The following SDK1 variants were observed in gnomAD, a reference collection of about 807,000 sequenced individuals.
The protein encoded by SDK1 is sidekick cell adhesion molecule 1.
Under a neutral mutation model 245.5 loss-of-function variants are expected in SDK1, and 157 were observed. The observed-to-expected ratio is 0.64, with a 90% confidence interval of 0.56 to 0.73. SDK1 has a LOEUF of 0.73. SDK1 is among the 30% of genes least tolerant of loss of function. The pLI is 0.00. For synonymous variants in SDK1, 1,647 were observed against 1,278.5 expected (o/e 1.29, Z -6.15); for missense variants, 3,583 against 3,002.3 (o/e 1.19, Z -4.52).
At chr7:3,724,892 C>G (rs1393030719) in intron 4 of SDK1, among the ~76,000 whole-genome samples, 4 of 152,200 alleles carry the variant, frequency 2.6e-5, no homozygotes, top group Non-Finnish European at 4.4e-5. Flanking sequence ...TGTGGCCATG[C>G]CTACCTGGAA....
intron 22 of SDK1, among the ~76,000 whole-genome samples, chr7:4,098,239 G>T (rs532202429): frequency 6.6e-6 from 1 of 152,142 alleles, no homozygotes; most frequent in Non-Finnish European, 1.5e-5. Flanking sequence ...TGCCGCATAC[G>T]TGACAACTCA....
chr7:4,105,672 G>T (rs1020780385), intron 22 of SDK1, among the ~76,000 whole-genome samples: 1 of 152,190 alleles, frequency 6.6e-6, no homozygotes, highest in African/African-American at 2.4e-5. Flanking sequence ...CTCTGAAGAG[G>T]GTATAGGAGT....
intron 5 of SDK1, among the ~76,000 whole-genome samples, chr7:3,822,409 G>A (rs950986684): frequency 6.6e-6 from 1 of 152,162 alleles, no homozygotes; most frequent in East Asian, 1.9e-4. Context: ...TGATTTGTTT[G>A]TATAGTAGTG....
intron 32 of SDK1, among the ~76,000 whole-genome samples, chr7:4,170,077 C>G (rs1048873026): frequency 1.3e-5 from 2 of 152,166 alleles, no homozygotes; most frequent in Non-Finnish European, 2.9e-5. Flanking sequence ...TGTATTTCTT[C>G]TAAGAAGGTT....
At chr7:3,342,272 A>C (rs1406324316) in intron 1 of SDK1, among the ~76,000 whole-genome samples, 1 of 152,164 alleles carries the variant, frequency 6.6e-6, no homozygotes, top group African/African-American at 2.4e-5. Context: ...ATAAATGTAA[A>C]ATTGTAAAAC....
intron 44 of SDK1, among the ~76,000 whole-genome samples, chr7:4,256,140 G>A (rs1164881346): frequency 1.3e-5 from 2 of 152,084 alleles, no homozygotes; most frequent in African/African-American, 4.8e-5. Context: ...GGCTGGTCTC[G>A]AACTCCTGAC....
At chr7:3,569,906 G>C (rs911334302) in intron 1 of SDK1, among the ~76,000 whole-genome samples, 12 of 152,312 alleles carry the variant, frequency 7.9e-5, no homozygotes, top group Middle Eastern at 3.4e-3. Context: ...TGCAGCTTGT[G>C]TTTGATAAAC....
chr7:3,934,962 T>C (rs1780104457), intron 5 of SDK1, among the ~76,000 whole-genome samples: 1 of 152,166 alleles, frequency 6.6e-6, no homozygotes, highest in African/African-American at 2.4e-5. Context: ...TCGGTGTTGC[T>C]TACCCAAGGA....
intron 14 of SDK1, among the ~76,000 whole-genome samples, chr7:4,003,526 A>G (rs1785232977): frequency 2.6e-5 from 4 of 152,164 alleles, no homozygotes; most frequent in Admixed American, 2.6e-4. Context: ...TCTGTTTTGT[A>G]GAACGTCACT....
intron 14 of SDK1, among the ~76,000 whole-genome samples, chr7:4,005,303 C>T (rs974490231): frequency 6.6e-6 from 1 of 151,712 alleles, no homozygotes; most frequent in African/African-American, 2.4e-5. Context: ...CCTCGGCCTC[C>T]CAAAGTGCTG....
intron 1 of SDK1, among the ~76,000 whole-genome samples, chr7:3,389,284 A>G (rs1448313904): frequency 6.6e-6 from 1 of 152,172 alleles, no homozygotes; most frequent in Non-Finnish European, 1.5e-5. Flanking sequence ...AGATGGAGAG[A>G]TTATCCTGGA....
In SDK1 at chr7:4,124,299, G is replaced by A. The variant is rs550266460; in HGVS notation, c.3824-3082G>A. Among the ~76,000 whole-genome samples, 297 of 152,340 alleles carry A rather than the reference G, an allele frequency of 1.9e-3. 1 individual carries two copies. The highest frequency in any genetic ancestry group is 7.0e-3 in the African/African-American group (290 of 41,570). On this transcript the variant is annotated intron_variant, in intron 25 of 44. Coordinates refer to ENST00000404826, the MANE Select transcript of SDK1 (RefSeq NM_152744.4). ...TACCATTCTGGAAGGTGGAATCTGA[G>A]CTGGAGGTGTTGGCAGGGCCATGAT...
At chr7:3,376,901 C>G (rs1177670980) in intron 1 of SDK1, among the ~76,000 whole-genome samples, 4 of 151,848 alleles carry the variant, frequency 2.6e-5, no homozygotes, top group Non-Finnish European at 5.9e-5. Context: ...TCCAGTTCCT[C>G]TTGGACTTTC....
chr7:3,516,217 A>G (rs1782745477), intron 1 of SDK1, among the ~76,000 whole-genome samples: 2 of 151,696 alleles, frequency 1.3e-5, no homozygotes, highest in African/African-American at 4.8e-5. Flanking sequence ...TATAACATAT[A>G]GAGGTTATAT....
chr7:3,343,938 T>A (rs1780422633), intron 1 of SDK1, among the ~76,000 whole-genome samples: 1 of 151,224 alleles, frequency 6.6e-6, no homozygotes, highest in African/African-American at 2.4e-5. Context: ...ACGGACATAT[T>A]ATTGATAAAA....
At chr7:3,904,715 C>T (rs570818529) in intron 5 of SDK1, among the ~76,000 whole-genome samples, 6 of 151,744 alleles carry the variant, frequency 4.0e-5, no homozygotes, top group South Asian at 2.1e-4. Context: ...AATAATAGGC[C>T]GGGCACGGTG....
intron 21 of SDK1, among the ~76,000 whole-genome samples, chr7:4,078,933 T>C (rs2128178224): frequency 6.6e-6 from 1 of 152,268 alleles, no homozygotes; most frequent in South Asian, 2.1e-4. Context: ...AGCCTAAGGC[T>C]CAAGACCTGA....
chr7:4,073,986 T>G (rs537498195), intron 20 of SDK1, among the ~76,000 whole-genome samples: 2 of 152,190 alleles, frequency 1.3e-5, no homozygotes, highest in East Asian at 3.9e-4. Context: ...GAGGTCACAG[T>G]CTTCCCGGAC....
chr7:4,181,036 A>G (rs1782575309), intron 35 of SDK1, among the ~76,000 whole-genome samples: 2 of 152,192 alleles, frequency 1.3e-5, no homozygotes, highest in Admixed American at 1.3e-4. Context: ...GCCATCACCA[A>G]CATCCATCGC....
Sources: allele counts gnomAD v4.1 joint callset (sites outside exome capture counted in the v4.1 genomes callset), GRCh38; gene constraint gnomAD v4.1.1; transcripts MANE v1.5; gene names NCBI Gene and HGNC (gene_info 2026-07-23, HGNC 2026-07-21).